The following TRAF7 variants were observed in gnomAD, a reference collection of about 807,000 sequenced individuals.
The protein encoded by TRAF7 is TNF receptor associated factor 7, also known as E3 ubiquitin-protein ligase TRAF7.
TRAF7 carries 45 observed loss-of-function variants against 89.3 expected under a neutral mutation model. That is an observed-to-expected ratio of 0.50 (90% CI 0.40 to 0.65). The LOEUF is 0.65. TRAF7 is among the 30% of genes least tolerant of loss of function. The pLI, the probability that TRAF7 is intolerant of heterozygous loss-of-function variation, is 0.00. For missense variants in TRAF7, 677 were observed against 918.1 expected, an observed-to-expected ratio of 0.74 and a Z score of 3.39; for synonymous variants, 406 against 369.2, an observed-to-expected ratio of 1.10 and a Z score of -1.14.
At chr16:2,160,549 A>G (rs1255515480) in intron 1 of TRAF7, among the ~76,000 whole-genome samples, 14 of 10,810 alleles carry the variant, frequency 1.3e-3, no homozygotes, top group Non-Finnish European at 2.1e-3. Flanking sequence ...GGCGGTGTGG[A>G]TGGGCGGGCG....
At chr16:2,165,096 C>A (rs1267385491) in intron 2 of TRAF7, among the ~76,000 whole-genome samples, 2 of 127,774 alleles carry the variant, frequency 1.6e-5, no homozygotes, top group East Asian at 4.5e-4. Context: ...GGCCTGGTCG[C>A]ATGGTTAAGC....
In TRAF7 at chr16:2,178,090, CTCAG is replaced by C. The variant is rs2093148822; in HGVS notation, c.*1517_*1520del. 2.0e-6 allele frequency: 1 copy of C among 498,706 alleles called. No individual in the cohort carries two copies. Among genetic ancestry groups the C allele is most frequent in the Non-Finnish European group, 3.9e-6 (1 of 258,736 alleles). The allele number at this position is 498,706 out of a possible 1,614,324, so 30.9% of individuals were successfully genotyped here. On this transcript the variant is annotated 3_prime_UTR_variant, in exon 21 of 21. Transcript: ENST00000326181. ...TTTTTGTTTCTCTGGGGAAATCCGC[CTCAG>C]CTCATTCCCAATAAATTAATACTCT...
intron 2 of TRAF7, among the ~76,000 whole-genome samples, chr16:2,165,247 C>T (rs141994235): frequency 0.011 from 1,545 of 137,058 alleles, 16 homozygotes; most frequent in Non-Finnish European, 0.019. Context: ...TGCTACGTGG[C>T]GCGGCCTGGT....
At chr16:2,167,099 T>G (rs1328859402) in intron 3 of TRAF7, among the ~76,000 whole-genome samples, 2 of 152,158 alleles carry the variant, frequency 1.3e-5, no homozygotes, top group African/African-American at 2.4e-5. Context: ...TCTTTTTTTT[T>G]CTAATCCTAC....
In TRAF7 at chr16:2,172,629, G is replaced by C. The variant is rs770835622; in HGVS notation, c.794+30G>C. 3.0e-6 allele frequency: 4 copies of C among 1,342,016 alleles called. 1 individual carries two copies. In the South Asian group the frequency reaches 5.1e-5, roughly 17 times the overall value. 83.1% of individuals were successfully genotyped at this position (1,342,016 alleles called of 1,614,324 possible). A position where few individuals can be genotyped will look rare whatever the true frequency, so the allele number is the denominator to read the frequency against. On this transcript the variant is annotated intron_variant, in intron 9 of 20. Coordinates refer to ENST00000326181, the MANE Select transcript of TRAF7 (RefSeq NM_032271.3). ...GTGGGGGGCGGGCGGGGGTGGGCCG[G>C]GGTGGGCGCAGGCCCTCCACAGGCT...
rs559087109 is a variant in TRAF7 at position 2,168,327 on chromosome 16, C to T, written c.231+159C>T. The T allele has an allele frequency of 5.0e-6, 3 of 603,616 alleles. No homozygotes were observed. The highest frequency in any genetic ancestry group is 3.1e-5 in the East Asian group (1 of 32,326). The allele number at this position is 603,616 out of a possible 1,614,324, so 37.4% of individuals were successfully genotyped here. On this transcript the variant is annotated intron_variant, in intron 4 of 20. Transcript: ENST00000326181. This position sits in a 1 kb window ranked among gnomAD's most constrained non-coding sequence, Gnocchi z 4.1. Reference sequence around the variant, plus strand: ...TGAGGCCTCGGCAGACATGGCAAGTCTGTGAGAAAGGAGGCTCCTGTGGCT... The same window carrying T: ...TGAGGCCTCGGCAGACATGGCAAGTTTGTGAGAAAGGAGGCTCCTGTGGCT...
rs557883672 is a variant in TRAF7, at chr16:2,158,773, G to C, written c.-39+2915G>C. Among the ~76,000 whole-genome samples, 4 of 151,326 alleles carry C rather than the reference G, an allele frequency of 2.6e-5. No homozygotes were observed. The highest frequency in any genetic ancestry group is 3.2e-3 in the Middle Eastern group (1 of 314). The stretch of plus-strand genomic sequence containing the variant: ...ACTGGGAAGCGTGGGCTCGGCGGGG[G>C]GGGGGGGGACACTGCCACCCTTGGC... On this transcript the variant is annotated intron_variant, in intron 1 of 20. Coordinates refer to ENST00000326181, the MANE Select transcript of TRAF7 (RefSeq NM_032271.3). This position sits in a 1 kb window ranked among gnomAD's most constrained non-coding sequence, Gnocchi z 4.7.
At chr16:2,174,436 G>A in intron 14 of TRAF7, 103 bp downstream of exon 14, 10 of 1,161,954 alleles carry the variant, frequency 8.6e-6, no homozygotes, top group Non-Finnish European at 1.2e-5. Context: ...GTAGCTATGT[G>A]TGTGCCCCAC....
chr16:2,173,859 T>TTGGGGCCC, intron 12 of TRAF7, 23 bp downstream of exon 12: 1 of 1,246,218 alleles, frequency 8.0e-7, no homozygotes, highest in Non-Finnish European at 1.1e-6. Flanking sequence ...CCGCCGTGGC[T>TTGGGGCCC]CCCGCCCACC....
chr16:2,156,172 G>A (rs561319988), intron 1 of TRAF7, among the ~76,000 whole-genome samples: 5 of 152,120 alleles, frequency 3.3e-5, no homozygotes, highest in Non-Finnish European at 7.3e-5. Flanking sequence ...AGACCGCGGA[G>A]AACACGGTCC....
chr16:2,174,968 G>C (rs1197991139), intron 14 of TRAF7, 143 bp from the exon 15 acceptor site: 2 of 1,015,590 alleles, frequency 2.0e-6, no homozygotes, highest in Admixed American at 2.0e-5. Context: ...AAAATAGGCT[G>C]ACGCTTAAGG....
rs1178969147 is a variant in TRAF7, at chr16:2,168,488, A to G, written c.231+320A>G. The G allele has an allele frequency of 3.4e-6, 1 of 293,470 alleles. No homozygotes were observed. The highest frequency in any genetic ancestry group is 2.2e-5 in the African/African-American group (1 of 45,200). 18.2% of individuals were successfully genotyped at this position (293,470 alleles called of 1,614,324 possible). A position where few individuals can be genotyped will look rare whatever the true frequency, so the allele number is the denominator to read the frequency against. ...CAGAAAGTTCAGTCAGGAGGATAGCACAATAAAATACATGCTTTGAAAGCT... is the reference window on the plus strand; with the variant it reads ...CAGAAAGTTCAGTCAGGAGGATAGCGCAATAAAATACATGCTTTGAAAGCT... On this transcript the variant is annotated intron_variant, in intron 4 of 20. Transcript: ENST00000326181. This position sits in a 1 kb window ranked among gnomAD's most constrained non-coding sequence, Gnocchi z 4.1.
Position 2,167,998 on chromosome 16 carries a change from G to A in TRAF7, c.140-79G>A, listed in dbSNP as rs892247172. ...TGAGCTACAGGGGACCCACAGGGTC[G>A]GGTATCCAGCATGGGCCCCACCTCC... On this transcript the variant is annotated intron_variant, in intron 3 of 20. Transcript: ENST00000326181. The A allele has an allele frequency of 2.1e-5, 29 of 1,358,496 alleles. No homozygotes were observed. In the East Asian group the frequency reaches 2.8e-4, roughly 13 times the overall value. The allele number at this position is 1,358,496 out of a possible 1,614,324, so 84.2% of individuals were successfully genotyped here.
In TRAF7 at chr16:2,176,129, G is replaced by A. The variant is rs147707985; in HGVS notation, c.1827G>A (p.Ser609=). 1.1e-5 allele frequency: 18 copies of A among 1,610,544 alleles called. No homozygotes were observed. Among genetic ancestry groups the A allele is most frequent in the Admixed American group, 6.7e-5 (4 of 59,938 alleles). ...VGTVYALAVI[S]TPDQTKVFSA... ...CCGTGTATGCCCTGGCGGTCATCTC[G>A]ACGCCAGACCAGACCAAAGTCTTCA... Residue 609 remains serine, a synonymous_variant, in exon 19 of 21, where the codon TCG becomes TCA. Coordinates refer to ENST00000326181, the MANE Select transcript of TRAF7 (RefSeq NM_032271.3).
chr16:2,160,090 G>A (rs573798348), intron 1 of TRAF7, among the ~76,000 whole-genome samples: 4 of 152,170 alleles, frequency 2.6e-5, no homozygotes, highest in South Asian at 2.1e-4. Flanking sequence ...GCAGCGAGGC[G>A]CTGAGGAAGA....
In TRAF7 at chr16:2,174,051, G is replaced by A. The variant is rs1476234814; in HGVS notation, c.1263+3G>A. On this transcript the variant is annotated splice_donor_region_variant and intron_variant, in intron 13 of 20. Coordinates refer to ENST00000326181, the MANE Select transcript of TRAF7 (RefSeq NM_032271.3). Reference sequence around the variant, plus strand: ...GCTCCTCTGACAAGACCATCAAGGTGGGCAGGGTCCTACCTCAGTCTCTGC... The same window carrying A: ...GCTCCTCTGACAAGACCATCAAGGTAGGCAGGGTCCTACCTCAGTCTCTGC... 1.9e-6 allele frequency: 3 copies of A among 1,612,630 alleles called. No homozygotes were observed. The highest frequency in any genetic ancestry group is 2.5e-6 in the Non-Finnish European group (3 of 1,180,004).
chr16:2,174,542 C>T (rs1268639589), intron 14 of TRAF7, among the ~76,000 whole-genome samples: 2 of 152,144 alleles, frequency 1.3e-5, no homozygotes, highest in African/African-American at 2.4e-5. Flanking sequence ...TGTGTGTTCC[C>T]AATACCTGGC....
In TRAF7 at chr16:2,158,604, G is replaced by C. The variant is rs968595181; in HGVS notation, c.-39+2746G>C. Among the ~76,000 whole-genome samples the C allele has an allele frequency of 2.6e-5, 4 of 152,224 alleles. No homozygotes were observed. Among genetic ancestry groups the C allele is most frequent in the African/African-American group, 9.7e-5 (4 of 41,448 alleles). ...GCGCTGGGTGACTGAGGGGGTCAGT[G>C]GTCTCTGCCCTCACATTCCTGTTGC... On this transcript the variant is annotated intron_variant, in intron 1 of 20. Coordinates refer to ENST00000326181, the MANE Select transcript of TRAF7 (RefSeq NM_032271.3). This position sits in a 1 kb window ranked among gnomAD's most constrained non-coding sequence, Gnocchi z 4.7.
At chr16:2,174,856 G>A (rs2093128972) in intron 14 of TRAF7, among the ~76,000 whole-genome samples, 1 of 152,220 alleles carries the variant, frequency 6.6e-6, no homozygotes, top group Non-Finnish European at 1.5e-5. Context: ...ACTGACTCAG[G>A]GCTGACGGGT....
Sources: allele counts gnomAD v4.1 joint callset (sites outside exome capture counted in the v4.1 genomes callset), GRCh38; gene constraint gnomAD v4.1.1; non-coding constraint Gnocchi (gnomAD v3.1); transcripts MANE v1.5; gene names NCBI Gene and HGNC (gene_info 2026-07-23, HGNC 2026-07-21).